The following PTPRM variants were observed in gnomAD, a reference collection of about 807,000 sequenced individuals.
PTPRM encodes the protein protein tyrosine phosphatase receptor type M.
A neutral mutation model predicts 186.7 loss-of-function variants in PTPRM; 47 were observed. The observed-to-expected ratio is 0.25, with a 90% CI of 0.20 to 0.32. The LOEUF (loss-of-function observed/expected upper bound fraction) is 0.32, where lower values mean the gene tolerates loss of function less well. Ranked by LOEUF, PTPRM falls within the 10% of genes least tolerant of loss-of-function variation. The pLI is 1.00. For synonymous variants in PTPRM, 668 were observed against 674.9 expected, an observed-to-expected ratio of 0.99 and a Z score of 0.16; for missense variants, 1,494 against 1,865.0, an observed-to-expected ratio of 0.80 and a Z score of 3.66.
intron 14 of PTPRM, among the ~76,000 whole-genome samples, chr18:8,198,926 C>T (rs6506555): frequency 3.3e-5 from 5 of 151,892 alleles, no homozygotes; most frequent in African/African-American, 1.2e-4. Context: ...AGCAGACAAA[C>T]TCAGGTAATG....
In PTPRM at chr18:7,966,326, G is replaced by T. The variant is rs553661325; in HGVS notation, c.1132+10912G>T. On this transcript the variant is annotated intron_variant, in intron 7 of 32. Coordinates refer to ENST00000580170, the MANE Select transcript of PTPRM (RefSeq NM_001105244.2). ...TACCATTGTGGAATGAGTAATATAA[G>T]TAATGTAACTATTCAGGTAAAATAT... 3.5e-4 allele frequency among the ~76,000 whole-genome samples: 54 copies of T among 152,206 alleles called. 1 individual carries two copies. The highest frequency in any genetic ancestry group is 2.9e-5 in the Non-Finnish European group (2 of 68,038).
chr18:8,252,731 A>G (rs1411396737), intron 18 of PTPRM, among the ~76,000 whole-genome samples: 1 of 152,100 alleles, frequency 6.6e-6, no homozygotes, highest in Non-Finnish European at 1.5e-5. Context: ...GTTCCCTTTT[A>G]TTTTTCCATT....
At chr18:7,808,939 A>G (rs1281140364) in intron 2 of PTPRM, among the ~76,000 whole-genome samples, 1 of 152,204 alleles carries the variant, frequency 6.6e-6, no homozygotes, top group Admixed American at 6.5e-5. Flanking sequence ...AACATAAGCA[A>G]TACAGACTTC....
At chr18:8,274,539 TTA>T (rs2094810927) in intron 19 of PTPRM, among the ~76,000 whole-genome samples, 1 of 152,240 alleles carries the variant, frequency 6.6e-6, no homozygotes, top group Admixed American at 6.5e-5. Context: ...GAACTGGCAA[TTA>T]TGTCAGAACC....
rs1568849246 is a variant in PTPRM, at chr18:8,371,409, G to A, written c.3171+403G>A. ...ATTTTCCAGTAGGGAGTTAGTATCA[G>A]TGTTGAGACACAGGTCCTAACTCCT... is the stretch of plus-strand genomic sequence containing the variant. On this transcript the variant is annotated intron_variant, in intron 24 of 32. Coordinates refer to ENST00000580170, the MANE Select transcript of PTPRM (RefSeq NM_001105244.2). Among the ~76,000 whole-genome samples the A allele has an allele frequency of 3.3e-5, 5 of 152,272 alleles. No individual in the cohort carries two copies. The South Asian group carries it at 1.0e-3, about 32-fold the overall frequency.
At chr18:7,720,914 G>C (rs2144856741) in intron 1 of PTPRM, among the ~76,000 whole-genome samples, 1 of 152,158 alleles carries the variant, frequency 6.6e-6, no homozygotes, top group South Asian at 2.1e-4. Flanking sequence ...TTTTGGCTGT[G>C]ATGAATGATT....
intron 1 of PTPRM, among the ~76,000 whole-genome samples, chr18:7,669,525 C>T (rs1279238848): frequency 4.6e-5 from 7 of 152,054 alleles, no homozygotes; most frequent in Non-Finnish European, 7.4e-5. Flanking sequence ...ATTGGGGTCA[C>T]GGTTTGCTTG....
intron 14 of PTPRM, among the ~76,000 whole-genome samples, chr18:8,169,520 T>A (rs1413222175): frequency 6.6e-6 from 1 of 152,164 alleles, no homozygotes; most frequent in African/African-American, 2.4e-5. Flanking sequence ...TGTAGCCTTT[T>A]CAGATAGCAG....
chr18:7,716,477 A>G (rs933554559), intron 1 of PTPRM, among the ~76,000 whole-genome samples: 1 of 152,346 alleles, frequency 6.6e-6, no homozygotes, highest in South Asian at 2.1e-4. Flanking sequence ...AAAAGCCACC[A>G]TTGACAAATG....
At chr18:8,035,653 G>A (rs2086278041) in intron 7 of PTPRM, among the ~76,000 whole-genome samples, 1 of 151,486 alleles carries the variant, frequency 6.6e-6, no homozygotes, top group Admixed American at 6.6e-5. Flanking sequence ...AGGGCTGACT[G>A]TACCTATAAA....
chr18:8,036,870 A>G lies in PTPRM; in HGVS notation c.1133-32816A>G, dbSNP rs375995756. On this transcript the variant is annotated intron_variant, in intron 7 of 32. Coordinates refer to ENST00000580170, the MANE Select transcript of PTPRM (RefSeq NM_001105244.2). ...AAGATGGCCTTATTTACAACTGATG[A>G]TGTAAATACAGTTTTTCTCATGTCC... Among the ~76,000 whole-genome samples, 4 of 152,290 alleles carry G rather than the reference A, an allele frequency of 2.6e-5. 1 individual carries two copies. Among genetic ancestry groups the G allele is most frequent in the Non-Finnish European group, 1.5e-5 (1 of 68,038 alleles).
chr18:7,920,103 T>C (rs1467471875), intron 4 of PTPRM, among the ~76,000 whole-genome samples: 2 of 152,078 alleles, frequency 1.3e-5, no homozygotes, highest in Admixed American at 6.6e-5. Flanking sequence ...GGTGGATTTC[T>C]TGTAGGAAGA....
chr18:7,667,777 G>A (rs147722711), intron 1 of PTPRM, among the ~76,000 whole-genome samples: 1 of 151,998 alleles, frequency 6.6e-6, no homozygotes, highest in Middle Eastern at 3.4e-3. Flanking sequence ...GGTTTGCCTC[G>A]GAAAGATTTC....
At chr18:8,163,925 A>C (rs2093275586) in intron 14 of PTPRM, among the ~76,000 whole-genome samples, 1 of 152,246 alleles carries the variant, frequency 6.6e-6, no homozygotes, top group Non-Finnish European at 1.5e-5. Flanking sequence ...AATCGAGGAC[A>C]CTAGCAATCA....
intron 4 of PTPRM, among the ~76,000 whole-genome samples, chr18:7,915,324 A>C (rs2050491063): frequency 1.3e-5 from 2 of 152,166 alleles, no homozygotes; most frequent in Non-Finnish European, 2.9e-5. Context: ...GGTATCCAGG[A>C]GACAAGTGGG....
At chr18:7,911,365 G>A (rs1326809211) in intron 4 of PTPRM, among the ~76,000 whole-genome samples, 2 of 152,194 alleles carry the variant, frequency 1.3e-5, no homozygotes, top group Non-Finnish European at 2.9e-5. Flanking sequence ...TCAAACAGCA[G>A]TGTATGATTT....
intron 23 of PTPRM, among the ~76,000 whole-genome samples, chr18:8,357,732 T>C (rs546180664): frequency 1.3e-5 from 2 of 152,320 alleles, no homozygotes; most frequent in Admixed American, 1.3e-4. Flanking sequence ...GTCAATTCAA[T>C]TTGGACAGCA....
chr18:8,005,407 T>G (rs1467394890), intron 7 of PTPRM, among the ~76,000 whole-genome samples: 1 of 152,220 alleles, frequency 6.6e-6, no homozygotes, highest in African/African-American at 2.4e-5. Flanking sequence ...AGTTCTAGCT[T>G]TCTAATGCAG....
chr18:7,610,435 A>G (rs746160494), intron 1 of PTPRM, among the ~76,000 whole-genome samples: 2 of 152,136 alleles, frequency 1.3e-5, no homozygotes, highest in Non-Finnish European at 2.9e-5. Flanking sequence ...ACCCTTTAAG[A>G]AGACATTGTT....
Sources: allele counts gnomAD v4.1 joint callset (sites outside exome capture counted in the v4.1 genomes callset), GRCh38; gene constraint gnomAD v4.1.1; transcripts MANE v1.5; gene names NCBI Gene and HGNC (gene_info 2026-07-23, HGNC 2026-07-21).